The following AGBL4 variants were observed in gnomAD, a reference collection of about 807,000 sequenced individuals.
AGBL4 encodes the protein AGBL carboxypeptidase 4.
In AGBL4, 58 loss-of-function variants were observed where a neutral mutation model predicts 66.4. That is an observed-to-expected ratio of 0.87 (90% CI 0.71 to 1.09). AGBL4 has a LOEUF of 1.09. Ranked by LOEUF, AGBL4 falls within the 50% of genes least tolerant of loss-of-function variation. The probability of loss-of-function intolerance (pLI) is 0.00; values close to 1 mark genes in which losing one functional copy is unlikely to be tolerated. For missense variants in AGBL4, 579 were observed against 631.0 expected (o/e 0.92, Z 0.88); for synonymous variants, 234 against 222.9 (o/e 1.05, Z -0.44).
intron 3 of AGBL4, among the ~76,000 whole-genome samples, chr1:49,656,070 C>T (rs979101139): frequency 6.6e-6 from 1 of 151,834 alleles, no homozygotes; most frequent in Non-Finnish European, 1.5e-5. Flanking sequence ...TAGCTTGAAC[C>T]TGGGAGGCGG....
intron 9 of AGBL4, among the ~76,000 whole-genome samples, chr1:48,618,834 G>A (rs1645362498): frequency 6.6e-6 from 1 of 152,094 alleles, no homozygotes; most frequent in Admixed American, 6.5e-5. Flanking sequence ...GTCGGGGGAG[G>A]AGTGGGGTGC....
At chr1:48,752,981 C>A (rs1019724338) in intron 6 of AGBL4, among the ~76,000 whole-genome samples, 1 of 152,178 alleles carries the variant, frequency 6.6e-6, no homozygotes, top group African/African-American at 2.4e-5. Flanking sequence ...ATCTCTTGAC[C>A]TCGTGATCCG....
At chr1:48,772,618 T>C (rs1263426165) in intron 6 of AGBL4, among the ~76,000 whole-genome samples, 1 of 152,132 alleles carries the variant, frequency 6.6e-6, no homozygotes, top group African/African-American at 2.4e-5. Context: ...GCTAAGAAAC[T>C]AAAACTTTTT....
intron 1 of AGBL4, among the ~76,000 whole-genome samples, chr1:50,011,091 T>G (rs766774040): frequency 5.9e-5 from 9 of 151,966 alleles, no homozygotes; most frequent in Non-Finnish European, 8.8e-5. Flanking sequence ...GAATTCAGAA[T>G]CCTATCAGAT....
At chr1:49,354,418 C>T (rs1022115575) in intron 3 of AGBL4, among the ~76,000 whole-genome samples, 5 of 152,210 alleles carry the variant, frequency 3.3e-5, no homozygotes, top group African/African-American at 1.2e-4. Context: ...CCTCTTAACT[C>T]ATTGCTCACT....
At chr1:49,793,272 AT>A (rs1325626642) in intron 2 of AGBL4, among the ~76,000 whole-genome samples, 1 of 151,996 alleles carries the variant, frequency 6.6e-6, no homozygotes, top group Non-Finnish European at 1.5e-5. Flanking sequence ...ATTTCTTTGG[AT>A]AATTCTTATC....
intron 4 of AGBL4, among the ~76,000 whole-genome samples, chr1:49,201,199 C>T (rs1470725305): frequency 6.6e-6 from 1 of 152,134 alleles, no homozygotes; most frequent in Non-Finnish European, 1.5e-5. Context: ...TCCCATTTTC[C>T]TTGGATCTGG....
At chr1:49,592,348 A>G (rs1644767466) in intron 3 of AGBL4, among the ~76,000 whole-genome samples, 1 of 152,220 alleles carries the variant, frequency 6.6e-6, no homozygotes, top group Non-Finnish European at 1.5e-5. Context: ...AGGAGGGCAG[A>G]TCATTTGAGG....
At chr1:49,044,023 T>C (rs1644012897) in intron 5 of AGBL4, among the ~76,000 whole-genome samples, 1 of 152,190 alleles carries the variant, frequency 6.6e-6, no homozygotes, top group South Asian at 2.1e-4. Flanking sequence ...TTAGAGCCTG[T>C]CCAATAAGCC....
chr1:48,543,177 C>T (rs1214162662), intron 11 of AGBL4, among the ~76,000 whole-genome samples: 5 of 152,032 alleles, frequency 3.3e-5, no homozygotes, highest in East Asian at 1.9e-4. Flanking sequence ...TTACCTTCCA[C>T]GTACTGAGAA....
At chr1:49,992,926 A>T (rs1660074064) in intron 1 of AGBL4, among the ~76,000 whole-genome samples, 1 of 152,192 alleles carries the variant, frequency 6.6e-6, no homozygotes, top group Admixed American at 6.5e-5. Context: ...GAGACGGCTC[A>T]CGTTTTCTTT....
At chr1:48,973,936 A>C (rs1156310091) in intron 5 of AGBL4, among the ~76,000 whole-genome samples, 1 of 152,146 alleles carries the variant, frequency 6.6e-6, no homozygotes, top group African/African-American at 2.4e-5. Flanking sequence ...CAGAGAACAA[A>C]GTAGTGTAGG....
intron 1 of AGBL4, among the ~76,000 whole-genome samples, chr1:49,887,626 C>A (rs1310107620): frequency 6.6e-6 from 1 of 151,962 alleles, no homozygotes; most frequent in African/African-American, 2.4e-5. Context: ...ACCCTTCTGG[C>A]AGTAAAATGG....
intron 3 of AGBL4, among the ~76,000 whole-genome samples, chr1:49,299,166 A>G (rs1358455641): frequency 6.6e-6 from 1 of 152,220 alleles, no homozygotes; most frequent in Non-Finnish European, 1.5e-5. Context: ...CTAGAATTGT[A>G]AGTAACTTGG....
chr1:49,910,705 G>A (rs944957147), intron 1 of AGBL4, among the ~76,000 whole-genome samples: 1 of 152,160 alleles, frequency 6.6e-6, no homozygotes, highest in African/African-American at 2.4e-5. Context: ...GCCAGGCACG[G>A]TGGCTCACGC....
chr1:49,638,291 G>A (rs758369967), intron 3 of AGBL4, among the ~76,000 whole-genome samples: 9 of 152,104 alleles, frequency 5.9e-5, no homozygotes, highest in Non-Finnish European at 1.3e-4. Context: ...TTCATAATAT[G>A]TAGGCAAAAT....
At chr1:49,516,776 A>G (rs1265768257) in intron 3 of AGBL4, among the ~76,000 whole-genome samples, 1 of 152,054 alleles carries the variant, frequency 6.6e-6, no homozygotes, top group Admixed American at 6.6e-5. Context: ...TTGTTAAGTA[A>G]TCCAATTTAG....
At chr1:48,981,746 G>A (rs375616668) in intron 5 of AGBL4, among the ~76,000 whole-genome samples, 7 of 152,094 alleles carry the variant, frequency 4.6e-5, no homozygotes, top group Admixed American at 1.3e-4. Context: ...TTAGCCAGGC[G>A]TGGTAGTGCG....
chr1:48,710,929 C>CAAAAAAAAAAAAAAAAAAAAAAA (rs1557895437), intron 6 of AGBL4, among the ~76,000 whole-genome samples: 1 of 152,162 alleles, frequency 6.6e-6, no homozygotes, highest in African/African-American at 2.4e-5. Flanking sequence ...AGATCCAGCT[C>CAAAAAAAAAAAAAAAAAAAAAAA]AGACATTACC....
Sources: allele counts gnomAD v4.1 joint callset (sites outside exome capture counted in the v4.1 genomes callset), GRCh38; gene constraint gnomAD v4.1.1; transcripts MANE v1.5; gene names NCBI Gene and HGNC (gene_info 2026-07-23, HGNC 2026-07-21).